Variants in MEMO1 observed in about 807,000 individuals in gnomAD.
The protein encoded by MEMO1 is mediator of cell motility 1, also known as protein MEMO1.
Under a neutral mutation model 45.2 loss-of-function variants are expected in MEMO1, and 6 were observed. That is an observed-to-expected ratio of 0.13 (90% CI 0.07 to 0.26). The LOEUF (loss-of-function observed/expected upper bound fraction) is 0.26. MEMO1 is among the 10% of genes least tolerant of loss of function. The pLI is 1.00. For synonymous variants in MEMO1, 78 were observed against 124.3 expected (o/e 0.63, Z 2.48); for missense variants, 184 against 370.5 (o/e 0.50, Z 4.13).
At chr2:31,996,422 C>T (rs6710981) in intron 2 of MEMO1, among the ~76,000 whole-genome samples, 1 of 151,786 alleles carries the variant, frequency 6.6e-6, no homozygotes, top group Non-Finnish European at 1.5e-5. Context: ...GGTGCACACC[C>T]GTAGTCCCAG....
At chr2:31,966,469 G>A (rs1558539094) in intron 2 of MEMO1, among the ~76,000 whole-genome samples, 1 of 152,244 alleles carries the variant, frequency 6.6e-6, no homozygotes, top group East Asian at 1.9e-4. Context: ...GGTGGCTCAC[G>A]CCTATAATCC....
Position 31,868,168 on chromosome 2 carries a change from A to T in MEMO1, c.*193T>A, listed in dbSNP as rs1673133543. The T allele has an allele frequency of 7.0e-6, 3 of 428,252 alleles. No homozygotes were observed. Among genetic ancestry groups the T allele is most frequent in the Non-Finnish European group, 1.2e-5 (3 of 258,808 alleles). 26.5% of individuals were successfully genotyped at this position (428,252 alleles called of 1,614,324 possible). On this transcript the variant is annotated 3_prime_UTR_variant, in exon 10 of 10. Transcript: ENST00000404530. ...ATGCCAGCCTTCCTTCCACTGCCCTAAACTATAAAGCATTTTTTAATGAGT... is the reference window on the plus strand; with the variant it reads ...ATGCCAGCCTTCCTTCCACTGCCCTTAACTATAAAGCATTTTTTAATGAGT...
chr2:31,908,523 G>GC (rs1251431311), intron 6 of MEMO1, among the ~76,000 whole-genome samples: 1 of 152,034 alleles, frequency 6.6e-6, no homozygotes, highest in Non-Finnish European at 1.5e-5. Context: ...GCAAACCAAT[G>GC]CCCCAAAAAC....
chr2:31,878,590 A>G (rs904777360), intron 8 of MEMO1, among the ~76,000 whole-genome samples: 2 of 152,138 alleles, frequency 1.3e-5, no homozygotes, highest in Non-Finnish European at 2.9e-5. Flanking sequence ...TGTTTATAAG[A>G]CATCCAAGTG....
At chr2:31,958,272 G>T (rs1191966622) in intron 2 of MEMO1, among the ~76,000 whole-genome samples, 1 of 151,896 alleles carries the variant, frequency 6.6e-6, no homozygotes. Context: ...GTTGGTGCTT[G>T]AGCATGACTG....
intron 7 of MEMO1, 57 bp from the exon 8 acceptor site, chr2:31,883,519 A>C: frequency 7.9e-7 from 1 of 1,258,614 alleles, no homozygotes; most frequent in Non-Finnish European, 1.1e-6. Flanking sequence ...GCTAAAAAGA[A>C]AGCAAGCGCT....
chr2:31,926,901 A>G (rs913268392), intron 4 of MEMO1, among the ~76,000 whole-genome samples: 1 of 152,286 alleles, frequency 6.6e-6, no homozygotes, highest in Non-Finnish European at 1.5e-5. Flanking sequence ...ATTTTTTACT[A>G]TCATATAATG....
At chr2:31,901,352 G>C (rs1438093248) in intron 6 of MEMO1, among the ~76,000 whole-genome samples, 1 of 103,602 alleles carries the variant, frequency 9.7e-6, no homozygotes, top group African/African-American at 3.9e-5. Flanking sequence ...CAGCCTGAGC[G>C]AAAGAGTGAG....
chr2:31,933,748 G>A (rs1340169027), intron 3 of MEMO1, among the ~76,000 whole-genome samples: 1 of 151,882 alleles, frequency 6.6e-6, no homozygotes, highest in East Asian at 1.9e-4. Context: ...TTAATTAATC[G>A]TAGTCACTCT....
At chr2:31,931,272 T>G (rs1449804403) in intron 4 of MEMO1, among the ~76,000 whole-genome samples, 1 of 152,230 alleles carries the variant, frequency 6.6e-6, no homozygotes, top group Non-Finnish European at 1.5e-5. Flanking sequence ...CATGATTTTC[T>G]TTATTAAATC....
chr2:31,931,995 A>G, intron 4 of MEMO1, 72 bp downstream of exon 4: 1 of 1,353,522 alleles, frequency 7.4e-7, no homozygotes, highest in South Asian at 1.2e-5. Context: ...AAGTATAAAA[A>G]GCAAATTACT....
intron 3 of MEMO1, among the ~76,000 whole-genome samples, chr2:31,933,348 A>AAAAATATATATATATATAT (rs1558514269): frequency 1.2e-4 from 2 of 16,184 alleles, no homozygotes; most frequent in Admixed American, 1.3e-3. Flanking sequence ...AAAAAAAAAA[A>AAAAATATATATATATATAT]ATTTATATAT....
chr2:31,931,931 A>T, intron 4 of MEMO1, 136 bp downstream of exon 4: 1 of 667,838 alleles, frequency 1.5e-6, no homozygotes, highest in South Asian at 2.3e-5. Context: ...TACAAAGTAT[A>T]GTAAAATTCA....
At chr2:31,925,195 C>T (rs1238447049) in intron 4 of MEMO1, among the ~76,000 whole-genome samples, 1 of 152,010 alleles carries the variant, frequency 6.6e-6, no homozygotes, top group Non-Finnish European at 1.5e-5. Flanking sequence ...ATGTGTTCCT[C>T]GGTTGGGTGC....
chr2:31,904,791 A>G (rs548619246), intron 6 of MEMO1, among the ~76,000 whole-genome samples: 40 of 152,358 alleles, frequency 2.6e-4, no homozygotes, highest in Middle Eastern at 3.4e-3. Context: ...AAGTGATATA[A>G]AAGAATCATC....
At chr2:31,993,655 G>C (rs1378296883) in intron 2 of MEMO1, among the ~76,000 whole-genome samples, 1 of 152,072 alleles carries the variant, frequency 6.6e-6, no homozygotes, top group Admixed American at 6.6e-5. Flanking sequence ...CCACGCACAG[G>C]GTAAAACTCC....
intron 7 of MEMO1, among the ~76,000 whole-genome samples, chr2:31,889,075 T>C (rs1260337680): frequency 6.6e-6 from 1 of 152,054 alleles, no homozygotes; most frequent in Non-Finnish European, 1.5e-5. Context: ...AATTTACAGA[T>C]AAAAATCTGG....
chr2:31,879,677 C>A (rs988981474), intron 8 of MEMO1, among the ~76,000 whole-genome samples: 1 of 152,048 alleles, frequency 6.6e-6, no homozygotes. Flanking sequence ...ATAATATAAT[C>A]AAGATAGATT....
intron 7 of MEMO1, among the ~76,000 whole-genome samples, chr2:31,890,271 T>C (rs1200447335): frequency 6.6e-6 from 1 of 152,144 alleles, no homozygotes; most frequent in Non-Finnish European, 1.5e-5. Context: ...GAACTAATTA[T>C]GTAAATCAAG....
Sources: allele counts gnomAD v4.1 joint callset (sites outside exome capture counted in the v4.1 genomes callset), GRCh38; gene constraint gnomAD v4.1.1; transcripts MANE v1.5; gene names NCBI Gene and HGNC (gene_info 2026-07-23, HGNC 2026-07-21).